The following CCBE1 variants were observed in gnomAD, a reference collection of about 807,000 sequenced individuals.
CCBE1 encodes collagen and calcium-binding EGF domain-containing protein 1.
Under a neutral mutation model 50.0 loss-of-function variants are expected in CCBE1, and 37 were observed. That is an observed-to-expected ratio of 0.74 (90% CI 0.57 to 0.97). CCBE1 has a LOEUF of 0.97. Ranked by LOEUF, CCBE1 falls within the 50% of genes least tolerant of loss-of-function variation. CCBE1 has a pLI of 0.00. For missense variants in CCBE1, 538 were observed against 523.8 expected, an observed-to-expected ratio of 1.03 and a Z score of -0.26; for synonymous variants, 234 against 203.7, an observed-to-expected ratio of 1.15 and a Z score of -1.27.
intron 2 of CCBE1, among the ~76,000 whole-genome samples, chr18:59,490,387 C>T (rs1288912219): frequency 5.6e-5 from 8 of 141,802 alleles, no homozygotes; most frequent in South Asian, 2.2e-4. Context: ...GATATTCCCC[C>T]TTTTTTTTTT....
intron 5 of CCBE1, among the ~76,000 whole-genome samples, chr18:59,455,934 G>A (rs112632645): frequency 2.6e-5 from 4 of 152,340 alleles, no homozygotes; most frequent in Admixed American, 6.5e-5. Flanking sequence ...TATCTAGAAC[G>A]CAGACTGGGG....
chr18:59,631,682 T>G (rs2053850537), intron 2 of CCBE1, among the ~76,000 whole-genome samples: 1 of 152,228 alleles, frequency 6.6e-6, no homozygotes, highest in Admixed American at 6.5e-5. Context: ...AAATGCCTAC[T>G]TCTTGGCTTC....
At chr18:59,454,297 T>G (rs771156848) in intron 6 of CCBE1, among the ~76,000 whole-genome samples, 2 of 152,126 alleles carry the variant, frequency 1.3e-5, no homozygotes, top group Non-Finnish European at 2.9e-5. Flanking sequence ...CAGGCTGGAG[T>G]GCAATGGAGT....
chr18:59,628,157 C>T (rs998162887), intron 2 of CCBE1, among the ~76,000 whole-genome samples: 3 of 152,164 alleles, frequency 2.0e-5, no homozygotes, highest in African/African-American at 7.2e-5. Context: ...GCTGAGACTG[C>T]AGTGAATTTT....
intron 2 of CCBE1, among the ~76,000 whole-genome samples, chr18:59,562,831 A>T (rs943688683): frequency 6.6e-6 from 1 of 152,060 alleles, no homozygotes; most frequent in Middle Eastern, 3.2e-3. Flanking sequence ...TTGTGGCCAC[A>T]TGTGTCTCTA....
In CCBE1 at chr18:59,572,177, G is replaced by A. The variant is rs537673271; in HGVS notation, c.213-91939C>T. On this transcript the variant is annotated intron_variant, in intron 2 of 10. Transcript: ENST00000439986. ...GAAATAAACCATGAAGCCCATGACA[G>A]TGAGTGAACACACGTTTTTTCAAAA... Among the ~76,000 whole-genome samples the A allele has an allele frequency of 4.0e-4, 61 of 152,342 alleles. 1 individual carries two copies. Among genetic ancestry groups the A allele is most frequent in the African/African-American group, 1.4e-3 (59 of 41,582 alleles).
chr18:59,666,454 A>G (rs2054358398), intron 2 of CCBE1, among the ~76,000 whole-genome samples: 1 of 152,172 alleles, frequency 6.6e-6, no homozygotes, highest in African/African-American at 2.4e-5. Context: ...AGCAAATGAC[A>G]TTCTACATAA....
intron 2 of CCBE1, among the ~76,000 whole-genome samples, chr18:59,511,558 A>C (rs1914132868): frequency 6.6e-6 from 1 of 152,210 alleles, no homozygotes; most frequent in South Asian, 2.1e-4. Flanking sequence ...GTAAAGATTA[A>C]ATCTGGGTAA....
At chr18:59,488,608 G>A (rs768640774) in intron 2 of CCBE1, among the ~76,000 whole-genome samples, 1 of 152,192 alleles carries the variant, frequency 6.6e-6, no homozygotes, top group African/African-American at 2.4e-5. Flanking sequence ...CAGAAGACCT[G>A]GAAGTCTGGG....
intron 2 of CCBE1, among the ~76,000 whole-genome samples, chr18:59,537,230 T>G (rs1348322155): frequency 6.6e-6 from 1 of 152,168 alleles, no homozygotes; most frequent in African/African-American, 2.4e-5. Context: ...ACTCAGATTC[T>G]GGAGTCGTCT....
chr18:59,609,944 T>C (rs887242684), intron 2 of CCBE1, among the ~76,000 whole-genome samples: 4 of 152,254 alleles, frequency 2.6e-5, no homozygotes, highest in African/African-American at 2.4e-5. Flanking sequence ...GGTTTATTCA[T>C]GCAATGGGAT....
chr18:59,652,937 C>G (rs998988796), intron 2 of CCBE1, among the ~76,000 whole-genome samples: 4 of 148,728 alleles, frequency 2.7e-5, no homozygotes, highest in African/African-American at 1.0e-4. Flanking sequence ...GCACTCCAGC[C>G]TGGGAAACAA....
At chr18:59,672,853 G>A (rs2054453066) in intron 2 of CCBE1, among the ~76,000 whole-genome samples, 3 of 152,174 alleles carry the variant, frequency 2.0e-5, no homozygotes, top group Non-Finnish European at 4.4e-5. Flanking sequence ...ACTGCGGTGG[G>A]GGGAAGGGTG....
intron 2 of CCBE1, among the ~76,000 whole-genome samples, chr18:59,635,193 T>G (rs1328998393): frequency 6.6e-6 from 1 of 152,216 alleles, no homozygotes; most frequent in Non-Finnish European, 1.5e-5. Context: ...GGAGGCCAGA[T>G]GACAATGAAA....
At chr18:59,471,535 C>T (rs1049975842) in intron 3 of CCBE1, among the ~76,000 whole-genome samples, 3 of 152,186 alleles carry the variant, frequency 2.0e-5, no homozygotes, top group Admixed American at 6.5e-5. Context: ...GCTTGAATTA[C>T]TTGTACCTTC....
At chr18:59,500,681 T>C (rs1913576504) in intron 2 of CCBE1, among the ~76,000 whole-genome samples, 1 of 152,180 alleles carries the variant, frequency 6.6e-6, no homozygotes, top group African/African-American at 2.4e-5. Context: ...GAAACAGCAA[T>C]GGCAGTGGAC....
intron 1 of CCBE1, 143 bp from the exon 2 acceptor site, chr18:59,696,852 C>T (rs1410136977): frequency 2.2e-6 from 2 of 928,690 alleles, no homozygotes; most frequent in Admixed American, 2.0e-5. Context: ...CAAACGCGTA[C>T]GCGGGGCAGA....
At chr18:59,516,296 A>G (rs1037045690) in intron 2 of CCBE1, among the ~76,000 whole-genome samples, 5 of 151,912 alleles carry the variant, frequency 3.3e-5, no homozygotes, top group Non-Finnish European at 7.4e-5. Flanking sequence ...CATAGATACC[A>G]TGATGCCAAG....
At chr18:59,547,137 G>GGA (rs775642615) in intron 2 of CCBE1, among the ~76,000 whole-genome samples, 1 of 149,820 alleles carries the variant, frequency 6.7e-6, no homozygotes, top group African/African-American at 2.5e-5. Flanking sequence ...GAGAGAGAGG[G>GGA]GAGAGAGAGG....
Sources: gnomAD v4.1 joint callset for allele counts (sites outside exome capture counted in the v4.1 genomes callset) on GRCh38, gnomAD v4.1.1 for gene constraint, MANE v1.5 for transcripts, NCBI Gene and HGNC (gene_info 2026-07-23, HGNC 2026-07-21) for gene names.